RAB3C: variants seen among roughly 807,000 people sequenced by gnomAD.
RAB3C encodes RAB3C, member RAS oncogene family.
RAB3C carries 17 observed loss-of-function variants against 26.4 expected under a neutral mutation model. That is an observed-to-expected ratio of 0.64 (90% CI 0.44 to 0.97). The LOEUF (loss-of-function observed/expected upper bound fraction) is 0.97. RAB3C is among the 50% of genes least tolerant of loss of function. The pLI is 0.00. For synonymous variants in RAB3C, 91 were observed against 95.9 expected, an observed-to-expected ratio of 0.95 and a Z score of 0.30; for missense variants, 242 against 281.9, an observed-to-expected ratio of 0.86 and a Z score of 1.01.
intron 2 of RAB3C, among the ~76,000 whole-genome samples, chr5:58,674,385 G>A (rs1748181658): frequency 6.6e-6 from 1 of 152,112 alleles, no homozygotes; most frequent in Non-Finnish European, 1.5e-5. Context: ...AGTGATTCCT[G>A]GGTTTTTAAT....
chr5:58,779,187 A>T (rs990649828), intron 3 of RAB3C, among the ~76,000 whole-genome samples: 6 of 151,926 alleles, frequency 3.9e-5, no homozygotes, highest in African/African-American at 1.5e-4. Flanking sequence ...ACAGCAACAA[A>T]CTGATCCCAT....
At chr5:58,698,463 T>A (rs994543354) in intron 2 of RAB3C, among the ~76,000 whole-genome samples, 2 of 152,192 alleles carry the variant, frequency 1.3e-5, no homozygotes, top group Admixed American at 6.5e-5. Flanking sequence ...TGAATTTGAA[T>A]GTTGGCTTTG....
intron 3 of RAB3C, among the ~76,000 whole-genome samples, chr5:58,810,737 C>T (rs1262015976): frequency 6.6e-6 from 1 of 152,162 alleles, no homozygotes; most frequent in Non-Finnish European, 1.5e-5. Context: ...ACTGGGACTA[C>T]AGGCATGCAT....
chr5:58,715,651 A>G (rs775772028), intron 2 of RAB3C, among the ~76,000 whole-genome samples: 4 of 152,140 alleles, frequency 2.6e-5, no homozygotes, highest in Non-Finnish European at 5.9e-5. Flanking sequence ...TCTGGAATAC[A>G]GAAGTGTAGT....
chr5:58,624,815 G>A (rs887493796), intron 2 of RAB3C, among the ~76,000 whole-genome samples: 7 of 151,982 alleles, frequency 4.6e-5, no homozygotes, highest in Non-Finnish European at 1.0e-4. Flanking sequence ...TGGGACAAAT[G>A]ACTTCACCTT....
intron 2 of RAB3C, among the ~76,000 whole-genome samples, chr5:58,718,492 T>C (rs1198970647): frequency 2.0e-5 from 3 of 152,060 alleles, no homozygotes; most frequent in African/African-American, 7.2e-5. Flanking sequence ...ATTGCCATGG[T>C]AACACTGCCA....
intron 3 of RAB3C, chr5:58,741,792 G>A (rs924326138): frequency 1.3e-5 from 2 of 152,042 alleles, no homozygotes; most frequent in African/African-American, 4.8e-5. Flanking sequence ...ATCACCTGAG[G>A]TCAGGAGTTC....
chr5:58,816,408 A>C (rs1743217683), intron 3 of RAB3C, among the ~76,000 whole-genome samples: 1 of 152,136 alleles, frequency 6.6e-6, no homozygotes, highest in Non-Finnish European at 1.5e-5. Flanking sequence ...AACTTCTGTC[A>C]GTCATTGGCT....
chr5:58,825,073 C>A lies in RAB3C; in HGVS notation c.407C>A (p.Ala136Asp). 1 of 1,612,866 alleles carries A rather than the reference C, an allele frequency of 6.2e-7. No homozygotes were observed. ...TQIKTYSWDN[A>D]QVILVGNKCD... is the part of the protein sequence containing the mutation. ...ATCAAAACATACTCTTGGGACAATG[C>A]CCAAGTTATTCTGGTTGGGAACAAG... Residue 136 changes from alanine to aspartate, a missense_variant, in exon 4 of 5, where the codon GCC becomes GAC. By Grantham distance (126) the Ala-to-Asp change is moderately radical. Transcript: ENST00000282878.
intron 3 of RAB3C, among the ~76,000 whole-genome samples, chr5:58,813,778 A>AGATATTATTTAACTCTGG (rs1219846087): frequency 6.6e-6 from 1 of 151,988 alleles, no homozygotes; most frequent in Non-Finnish European, 1.5e-5. Flanking sequence ...ATATTCAGTG[A>AGATATTATTTAACTCTGG]ATGCACACAT....
intron 1 of RAB3C, among the ~76,000 whole-genome samples, chr5:58,603,789 C>G (rs1459885126): frequency 6.6e-6 from 1 of 152,112 alleles, no homozygotes; most frequent in East Asian, 1.9e-4. Context: ...AACTAACTGC[C>G]TTAATTCTTT....
At chr5:58,756,601 C>G in intron 3 of RAB3C, among the ~76,000 whole-genome samples, 1 of 145,370 alleles carries the variant, frequency 6.9e-6, no homozygotes, top group Admixed American at 6.9e-5. Context: ...TTGTTCAACT[C>G]CCACTTATGA....
intron 2 of RAB3C, among the ~76,000 whole-genome samples, chr5:58,686,135 T>G (rs1748439785): frequency 6.6e-6 from 1 of 152,154 alleles, no homozygotes; most frequent in East Asian, 1.9e-4. Context: ...TGAATTAGGT[T>G]AATAGCACTG....
At chr5:58,769,225 A>T (rs1484877986) in intron 3 of RAB3C, among the ~76,000 whole-genome samples, 4 of 152,092 alleles carry the variant, frequency 2.6e-5, no homozygotes, top group African/African-American at 7.2e-5. Flanking sequence ...TGTGCAGGGT[A>T]TATCCTGGAC....
At chr5:58,835,087 C>A (rs180871955) in intron 4 of RAB3C, among the ~76,000 whole-genome samples, 12 of 152,274 alleles carry the variant, frequency 7.9e-5, no homozygotes, top group African/African-American at 2.4e-4. Context: ...GTATGGTTAT[C>A]CAATCCATGA....
intron 3 of RAB3C, among the ~76,000 whole-genome samples, chr5:58,765,057 A>G (rs1741871404): frequency 6.6e-6 from 1 of 152,198 alleles, no homozygotes; most frequent in Non-Finnish European, 1.5e-5. Context: ...CAAAACTGTC[A>G]AGAAAATCAA....
At position 58,612,532 on chromosome 5, in the gene RAB3C, A is replaced by ATG. The variant is rs1250393146; in HGVS notation, c.25-5110_25-5109insGT. Among the ~76,000 whole-genome samples the ATG allele has an allele frequency of 1.9e-3, 164 of 87,132 alleles. 1 individual carries two copies. Among genetic ancestry groups the ATG allele is most frequent in the African/African-American group, 6.5e-3 (151 of 23,338 alleles). 57.2% of individuals were successfully genotyped at this position (87,132 alleles called of 152,430 possible). A position where few individuals can be genotyped will look rare whatever the true frequency, so the allele number is the denominator to read the frequency against. ...TGTGTGTGTGTGTGTATATATATAT[A>ATG]TATATATATATATATGTATATATAT... On this transcript the variant is annotated intron_variant, in intron 1 of 4. Coordinates refer to ENST00000282878, the MANE Select transcript of RAB3C (RefSeq NM_138453.4).
intron 4 of RAB3C, among the ~76,000 whole-genome samples, chr5:58,829,410 T>G (rs1743564318): frequency 6.6e-6 from 1 of 152,052 alleles, no homozygotes; most frequent in Non-Finnish European, 1.5e-5. Flanking sequence ...GAATAATTTA[T>G]CTGGGAATAA....
Position 58,856,406 on chromosome 5 carries a change from T to TAAA in RAB3C, c.*5056_*5057insAAA, listed in dbSNP as rs1474361573. On this transcript the variant is annotated 3_prime_UTR_variant, in exon 5 of 5. Transcript: ENST00000282878. ...GAACTTTCTATTTGCAGTTCTCTTT[T>TAAA]ACTTTCTGACTTTCTTTTAAATTAC... is the stretch of plus-strand genomic sequence containing the variant. The TAAA allele has an allele frequency of 6.6e-6, 1 of 152,074 alleles. No individual in the cohort carries two copies. The highest frequency in any genetic ancestry group is 6.6e-5 in the Admixed American group (1 of 15,242). The allele number at this position is 152,074 out of a possible 1,614,324, so 9.4% of individuals were successfully genotyped here.
Sources: gnomAD v4.1 joint callset for allele counts (sites outside exome capture counted in the v4.1 genomes callset) on GRCh38, gnomAD v4.1.1 for gene constraint, MANE v1.5 for transcripts, NCBI Gene and HGNC (gene_info 2026-07-23, HGNC 2026-07-21) for gene names.